The following ITPKB variants were observed in gnomAD, a reference collection of about 807,000 sequenced individuals.
ITPKB encodes the protein inositol-trisphosphate 3-kinase B.
In ITPKB, 13 loss-of-function variants were observed where a neutral mutation model predicts 69.4. The ratio of observed to expected loss-of-function variants is 0.19; its 90% CI spans 0.12 to 0.30. ITPKB has a LOEUF of 0.30. ITPKB is among the 10% of genes least tolerant of loss of function. The pLI is 1.00. For missense variants in ITPKB, 1,240 were observed against 1,250.5 expected, an observed-to-expected ratio of 0.99 and a Z score of 0.13; for synonymous variants, 584 against 513.7, an observed-to-expected ratio of 1.14 and a Z score of -1.85.
chr1:226,718,419 C>T (rs1318596723), intron 2 of ITPKB, among the ~76,000 whole-genome samples: 3 of 151,970 alleles, frequency 2.0e-5, no homozygotes, highest in African/African-American at 7.3e-5. Context: ...CACAGCAAGA[C>T]CCCATCTCTA....
chr1:226,677,071 G>A (rs1210899583), intron 2 of ITPKB, among the ~76,000 whole-genome samples: 1 of 152,198 alleles, frequency 6.6e-6, no homozygotes, highest in African/African-American at 2.4e-5. Context: ...TAGCTTGGAA[G>A]CCTGGAGCAA....
chr1:226,649,500 ATGCGTGATATGTGCATG>A (rs1478020890), intron 2 of ITPKB, among the ~76,000 whole-genome samples: 1 of 148,610 alleles, frequency 6.7e-6, no homozygotes, highest in Non-Finnish European at 1.5e-5. Flanking sequence ...CAGTGTGTGC[ATGCGTGATATGTGCATG>A]TGTGTGATGT....
Position 226,735,532 on chromosome 1 carries a change from T to C in ITPKB, c.1927A>G (p.Arg643Gly), listed in dbSNP as rs747985163. ...AATCTCAGAGCAAGACTTACCACTCTAGGTTTCTGCTGGTCCAGGGTATGC... is the reference window on the plus strand; with the variant it reads ...AATCTCAGAGCAAGACTTACCACTCCAGGTTTCTGCTGGTCCAGGGTATGC... ...FLHTLDQQKP[R>G]VSKSWRKIKN... Residue 643 changes from arginine (R) to glycine (G), a missense_variant, in exon 2 of 8, where the codon AGA becomes GGA. Arg to Gly is a moderately radical substitution (Grantham distance 125). This residue lies in a region of ITPKB where 992 missense variants were observed against 853.8 expected (regional missense o/e 1.16). Transcript: ENST00000429204. 2.6e-6 allele frequency: 4 copies of C among 1,513,404 alleles called. No homozygotes were observed. The highest frequency in any genetic ancestry group is 4.5e-5 in the Admixed American group (2 of 44,488). 93.7% of individuals were successfully genotyped at this position (1,513,404 alleles called of 1,614,324 possible).
intron 2 of ITPKB, among the ~76,000 whole-genome samples, chr1:226,701,476 C>T (rs1276102942): frequency 3.3e-5 from 5 of 150,866 alleles, no homozygotes; most frequent in East Asian, 1.9e-4. Context: ...TGGTGGTGGG[C>T]GCCTGTAATC....
At chr1:226,708,464 C>T (rs916981608) in intron 2 of ITPKB, among the ~76,000 whole-genome samples, 13 of 152,174 alleles carry the variant, frequency 8.5e-5, no homozygotes, top group South Asian at 2.1e-4. Flanking sequence ...GACTTAGGCA[C>T]GAGTAACTCG....
At chr1:226,693,682 A>G (rs1656410932) in intron 2 of ITPKB, among the ~76,000 whole-genome samples, 1 of 152,174 alleles carries the variant, frequency 6.6e-6, no homozygotes, top group Non-Finnish European at 1.5e-5. Context: ...TCCCCATTTG[A>G]AGATCACAAT....
intron 2 of ITPKB, among the ~76,000 whole-genome samples, chr1:226,724,132 C>T (rs911252156): frequency 2.6e-5 from 4 of 152,124 alleles, no homozygotes; most frequent in Non-Finnish European, 5.9e-5. Context: ...GCTCATTATC[C>T]TCATGTTAGA....
At position 226,632,045 on chromosome 1, in the gene ITPKB, A is replaced by T. The variant is rs1426919083; in HGVS notation, c.*2626T>A. Reference sequence around the variant, plus strand: ...AACAAAGGCAAAGCTTTCAAGGAGAAACAAGAGTCCAGCCTTTCGGTCTTA... The same window carrying T: ...AACAAAGGCAAAGCTTTCAAGGAGATACAAGAGTCCAGCCTTTCGGTCTTA... On this transcript the variant is annotated 3_prime_UTR_variant, in exon 8 of 8. Transcript: ENST00000429204. 6 of 152,800 alleles carry T rather than the reference A, an allele frequency of 3.9e-5. No homozygotes were observed. Among genetic ancestry groups the T allele is most frequent in the Non-Finnish European group, 5.9e-5 (4 of 68,040 alleles). The allele number at this position is 152,800 out of a possible 1,614,324, so 9.5% of individuals were successfully genotyped here. A position where few individuals can be genotyped will look rare whatever the true frequency, so the allele number is the denominator to read the frequency against.
intron 2 of ITPKB, among the ~76,000 whole-genome samples, chr1:226,655,041 AGAG>A (rs1289408329): frequency 2.0e-5 from 3 of 146,762 alleles, no homozygotes; most frequent in South Asian, 2.2e-4. Context: ...AGGACAGGGA[AGAG>A]GAGAGAAGAA....
chr1:226,642,570 G>A lies in ITPKB; in HGVS notation c.2247-445C>T, dbSNP rs1309648135. Reference sequence around the variant, plus strand: ...CGGCTGGCCTCACAAAGCCCAAGGAGCTCCTCCTCGGGAGACCCCCACAGG... The same window carrying A: ...CGGCTGGCCTCACAAAGCCCAAGGAACTCCTCCTCGGGAGACCCCCACAGG... On this transcript the variant is annotated intron_variant, in intron 4 of 7. Transcript: ENST00000429204. This position sits in a 1 kb window ranked among gnomAD's most constrained non-coding sequence, Gnocchi z 6.4. 6.6e-6 allele frequency among the ~76,000 whole-genome samples: 1 copy of A among 152,004 alleles called. No homozygotes were observed. Among genetic ancestry groups the A allele is most frequent in the Non-Finnish European group, 1.5e-5 (1 of 68,002 alleles).
chr1:226,719,334 A>G (rs542252427), intron 2 of ITPKB, among the ~76,000 whole-genome samples: 19 of 152,096 alleles, frequency 1.2e-4, no homozygotes, highest in Non-Finnish European at 2.4e-4. Context: ...GAGGAATCCA[A>G]CTTTGGTAAG....
intron 2 of ITPKB, among the ~76,000 whole-genome samples, chr1:226,675,378 A>G (rs1404263940): frequency 6.6e-6 from 1 of 152,232 alleles, no homozygotes; most frequent in Non-Finnish European, 1.5e-5. Flanking sequence ...GAGTGTCAAG[A>G]CAGTCCAATC....
intron 2 of ITPKB, among the ~76,000 whole-genome samples, chr1:226,695,128 G>A (rs947014385): frequency 3.3e-5 from 5 of 152,184 alleles, no homozygotes; most frequent in African/African-American, 1.2e-4. Context: ...TACTCAGAAG[G>A]CTGAGGCAAG....
At chr1:226,652,278 G>A (rs1669209958) in intron 2 of ITPKB, among the ~76,000 whole-genome samples, 1 of 152,190 alleles carries the variant, frequency 6.6e-6, no homozygotes, top group Non-Finnish European at 1.5e-5. Context: ...CCTTGTGATG[G>A]TCGGGGAGAC....
rs768687577 is a variant in ITPKB, at chr1:226,707,892, A to G, written c.1932+27635T>C. The G allele has an allele frequency of 2.3e-5, 31 of 1,329,528 alleles. No homozygotes were observed. In the Middle Eastern group the frequency reaches 1.7e-3, roughly 74 times the overall value. The allele number at this position is 1,329,528 out of a possible 1,614,324, so 82.4% of individuals were successfully genotyped here. A position where few individuals can be genotyped will look rare whatever the true frequency, so the allele number is the denominator to read the frequency against. ...GGACGTTGCCCCAGCAGTACCACTG[A>G]GGGGAACACTTCCCAAGAAGTCACT... On this transcript the variant is annotated intron_variant, in intron 2 of 7. Transcript: ENST00000429204.
At chr1:226,699,153 T>A (rs1656569652) in intron 2 of ITPKB, among the ~76,000 whole-genome samples, 1 of 152,246 alleles carries the variant, frequency 6.6e-6, no homozygotes. Flanking sequence ...AAGTCTCATC[T>A]AGAAGGAAAG....
At chr1:226,660,098 G>A (rs370357706) in intron 2 of ITPKB, among the ~76,000 whole-genome samples, 19 of 152,312 alleles carry the variant, frequency 1.2e-4, no homozygotes, top group Middle Eastern at 3.4e-3. Flanking sequence ...AGGACCCCAC[G>A]GCTGGCAGCC....
intron 2 of ITPKB, among the ~76,000 whole-genome samples, chr1:226,714,264 T>C (rs1163185289): frequency 6.6e-6 from 1 of 152,236 alleles, no homozygotes; most frequent in Admixed American, 6.5e-5. Context: ...CAAGTCAGTA[T>C]GTGATTCACC....
intron 2 of ITPKB, among the ~76,000 whole-genome samples, chr1:226,715,036 C>T (rs1657062628): frequency 6.6e-6 from 1 of 152,230 alleles, no homozygotes; most frequent in Admixed American, 6.5e-5. Context: ...CGATGAGAAA[C>T]TCTAAGAATA....
Sources: gnomAD v4.1 joint callset for allele counts (sites outside exome capture counted in the v4.1 genomes callset) on GRCh38, gnomAD v4.1.1 for gene constraint, gnomAD v4.1.1 regional missense constraint, Gnocchi (gnomAD v3.1) non-coding constraint, MANE v1.5 for transcripts, NCBI Gene and HGNC (gene_info 2026-07-23, HGNC 2026-07-21) for gene names.